DHX40: variants seen among roughly 807,000 people sequenced by gnomAD.
DHX40 encodes the protein probable ATP-dependent RNA helicase DHX40.
A neutral mutation model predicts 89.6 loss-of-function variants in DHX40; 28 were observed. The observed-to-expected ratio is 0.31, with a 90% CI of 0.23 to 0.43. The LOEUF (loss-of-function observed/expected upper bound fraction) is 0.43. Ranked by LOEUF, DHX40 falls within the 20% of genes least tolerant of loss-of-function variation. DHX40 has a pLI of 1.00. For synonymous variants in DHX40, 226 were observed against 283.6 expected, an observed-to-expected ratio of 0.80 and a Z score of 2.04; for missense variants, 457 against 844.0, an observed-to-expected ratio of 0.54 and a Z score of 5.68.
intron 10 of DHX40, among the ~76,000 whole-genome samples, chr17:59,581,760 CA>C (rs545040399): frequency 0.17 from 7,081 of 41,748 alleles, 1,967 homozygotes; most frequent in African/African-American, 0.53. Context: ...ACTCTGTCTC[CA>C]AAAAAAAAAA....
intron 14 of DHX40, among the ~76,000 whole-genome samples, chr17:59,601,109 A>T (rs1180798340): frequency 6.6e-6 from 1 of 151,322 alleles, no homozygotes; most frequent in Admixed American, 6.6e-5. Flanking sequence ...GTTTGAGACC[A>T]GCCTGGGCAA....
chr17:59,597,934 CAA>C (rs776094146), intron 12 of DHX40, among the ~76,000 whole-genome samples: 10 of 56,806 alleles, frequency 1.8e-4, no homozygotes, highest in Non-Finnish European at 1.5e-4. Flanking sequence ...GACTCCGTCT[CAA>C]AAAAAAAAAA....
At chr17:59,604,080 G>A (rs928017737) in intron 15 of DHX40, 6 of 152,174 alleles carry the variant, frequency 3.9e-5, no homozygotes, top group African/African-American at 1.2e-4. Context: ...TTGCTATAAA[G>A]GATATTATTA....
At chr17:59,604,309 G>A (rs1484679139) in intron 15 of DHX40, 2 of 152,106 alleles carry the variant, frequency 1.3e-5, no homozygotes, top group East Asian at 3.8e-4. Flanking sequence ...CAACTTTTCT[G>A]TAAATTTAGA....
intron 2 of DHX40, among the ~76,000 whole-genome samples, chr17:59,569,713 A>C (rs1381806938): frequency 1.6e-5 from 2 of 128,166 alleles, no homozygotes; most frequent in East Asian, 2.0e-4. Context: ...ATATATATCT[A>C]TATATATATA....
chr17:59,573,023 G>T (rs2697399), intron 3 of DHX40, 93 bp from the exon 4 acceptor site: 8 of 1,395,482 alleles, frequency 5.7e-6, no homozygotes, highest in Admixed American at 2.4e-5. Flanking sequence ...TTTAGTCAGA[G>T]TGGTTTGATC....
intron 12 of DHX40, among the ~76,000 whole-genome samples, chr17:59,595,114 G>A (rs2029943596): frequency 6.7e-6 from 1 of 148,290 alleles, no homozygotes; most frequent in African/African-American, 2.5e-5. Context: ...ACAGAATTTT[G>A]CTCTTGTTGC....
At chr17:59,593,700 C>T (rs2143316658) in intron 12 of DHX40, among the ~76,000 whole-genome samples, 1 of 134,166 alleles carries the variant, frequency 7.5e-6, no homozygotes, top group African/African-American at 2.8e-5. Context: ...TCTCAAACTC[C>T]TGACCTCCTG....
chr17:59,570,573 A>G lies in DHX40; in HGVS notation c.336A>G (p.Ile112Met), dbSNP rs2048792272. 1.9e-6 allele frequency: 3 copies of G among 1,610,334 alleles called. No homozygotes were observed. The highest frequency in any genetic ancestry group is 1.7e-5 in the Admixed American group (1 of 59,480). Residue 112 changes from isoleucine (I) to methionine (M), a missense_variant, in exon 3 of 18, where the codon ATA becomes ATG. Around this residue, in one of 9 missense-constraint regions of DHX40, gnomAD observed 61 missense variants for 100.4 expected, o/e 0.61. Coordinates refer to ENST00000251241, the MANE Select transcript of DHX40 (RefSeq NM_024612.5). ...GVTQPRKVAA[I>M]SVAQRVAEEM... is the part of the protein sequence containing the mutation. ...CTCAACCACGAAAAGTAGCTGCTAT[A>G]TCAGTTGCTCAGAGAGTAGCTGAAG... is the stretch of plus-strand genomic sequence containing the variant.
chr17:59,589,041 T>A lies in DHX40; in HGVS notation c.1582+988T>A, dbSNP rs532707543. On this transcript the variant is annotated intron_variant, in intron 12 of 17. Transcript: ENST00000251241. ...CTGTATCTTGTTCCATTTATCTGATTGTCTGTTTGTTCTTCCACCAATACC... is the reference window on the plus strand; with the variant it reads ...CTGTATCTTGTTCCATTTATCTGATAGTCTGTTTGTTCTTCCACCAATACC... Among the ~76,000 whole-genome samples the A allele has an allele frequency of 9.2e-5, 14 of 152,214 alleles. No homozygotes were observed. The East Asian group carries it at 1.9e-3, about 21-fold the overall frequency.
chr17:59,605,913 T>A, intron 17 of DHX40: 1 of 557,966 alleles, frequency 1.8e-6, no homozygotes, highest in East Asian at 3.5e-5. Flanking sequence ...TGCAGTGAAC[T>A]GTGATTTCAC....
rs759780577 is a variant in DHX40, at chr17:59,607,254, T to C, written c.*82T>C. ...CTTTGCCAGTTATTTCAGACAGCAC[T>C]ACCAAGAGGAGGTGGTCAGCACTTG... is the stretch of plus-strand genomic sequence containing the variant. On this transcript the variant is annotated 3_prime_UTR_variant, in exon 18 of 18. Coordinates refer to ENST00000251241, the MANE Select transcript of DHX40 (RefSeq NM_024612.5). 5.0e-6 allele frequency: 8 copies of C among 1,613,714 alleles called. No individual in the cohort carries two copies. Among genetic ancestry groups the C allele is most frequent in the Non-Finnish European group, 6.8e-6 (8 of 1,179,876 alleles).
chr17:59,604,350 C>G (rs1175132593), intron 15 of DHX40: 1 of 152,050 alleles, frequency 6.6e-6, no homozygotes, highest in Non-Finnish European at 1.5e-5. Flanking sequence ...TATGGTATAT[C>G]TTGGTTACCC....
rs1224727082 is a variant in DHX40, at chr17:59,569,125, TTG to T, written c.281-1392_281-1391del. Among the ~76,000 whole-genome samples the T allele has an allele frequency of 2.6e-3, 396 of 152,196 alleles. 1 individual carries two copies. Among genetic ancestry groups the T allele is most frequent in the African/African-American group, 8.5e-3 (354 of 41,548 alleles). ...AGATGGATCACTTGAGGTCAGAAGT[TTG>T]CGACCAGCCTGGCCAACATGGTGAA... On this transcript the variant is annotated intron_variant, in intron 2 of 17. Transcript: ENST00000251241.
chr17:59,593,778 G>T (rs868727147), intron 12 of DHX40, among the ~76,000 whole-genome samples: 1 of 150,308 alleles, frequency 6.7e-6, no homozygotes, highest in Non-Finnish European at 1.5e-5. Flanking sequence ...CACCATGCCC[G>T]GCCCCTTGTC....
intron 10 of DHX40, among the ~76,000 whole-genome samples, chr17:59,585,825 G>T (rs571396732): frequency 5.8e-4 from 83 of 143,518 alleles, no homozygotes; most frequent in African/African-American, 2.1e-3. Context: ...ATAAAAGTTT[G>T]GAAAAAAATT....
At chr17:59,570,210 ATT>A (rs1406928032) in intron 2 of DHX40, among the ~76,000 whole-genome samples, 3 of 123,210 alleles carry the variant, frequency 2.4e-5, no homozygotes, top group African/African-American at 1.0e-4. Flanking sequence ...TATAATATAT[ATT>A]ATATATTAAA....
At chr17:59,570,736 G>T (rs2048795025) in intron 3 of DHX40, 73 bp downstream of exon 3, 2 of 1,463,408 alleles carry the variant, frequency 1.4e-6, no homozygotes, top group Middle Eastern at 2.2e-4. Flanking sequence ...CCAGCCTGGA[G>T]TGCGTGGCGC....
chr17:59,575,888 A>T (rs2048874591), intron 7 of DHX40, among the ~76,000 whole-genome samples: 1 of 142,520 alleles, frequency 7.0e-6, no homozygotes, highest in South Asian at 2.1e-4. Context: ...AACACAGTGG[A>T]TTGTTTTGTT....
Sources: gnomAD v4.1 joint callset for allele counts (sites outside exome capture counted in the v4.1 genomes callset) on GRCh38, gnomAD v4.1.1 for gene constraint, gnomAD v4.1.1 regional missense constraint, MANE v1.5 for transcripts, NCBI Gene and HGNC (gene_info 2026-07-23, HGNC 2026-07-21) for gene names.